The following HORMAD2 variants were observed in gnomAD, a reference collection of about 807,000 sequenced individuals.
HORMAD2 encodes the protein HORMA domain containing 2.
A neutral mutation model predicts 38.8 loss-of-function variants in HORMAD2; 45 were observed. The ratio of observed to expected loss-of-function variants is 1.16; its 90% CI spans 0.91 to 1.49. HORMAD2 has a LOEUF of 1.49. HORMAD2 is among the 40% of genes most tolerant of loss of function. The pLI, the probability that HORMAD2 is intolerant of heterozygous loss-of-function variation, is 0.00. For synonymous variants in HORMAD2, 126 were observed against 122.8 expected (o/e 1.03, Z -0.17); for missense variants, 338 against 367.0 (o/e 0.92, Z 0.65).
intron 5 of HORMAD2, 93 bp from the exon 6 acceptor site, chr22:30,111,703 C>A: frequency 9.4e-7 from 1 of 1,068,508 alleles, no homozygotes; most frequent in Non-Finnish European, 1.3e-6. Flanking sequence ...TTTCGAACCT[C>A]TCTGAAATAA....
Position 30,160,729 on chromosome 22 carries a change from G to A in HORMAD2, c.820-15334G>A, listed in dbSNP as rs1336099724. Among the ~76,000 whole-genome samples, 18 of 152,214 alleles carry A rather than the reference G, an allele frequency of 1.2e-4. No individual in the cohort carries two copies. In the East Asian group the frequency reaches 3.3e-3, roughly 28 times the overall value. On this transcript the variant is annotated intron_variant, in intron 10 of 10. Coordinates refer to ENST00000336726, the MANE Select transcript of HORMAD2 (RefSeq NM_152510.4). ...ATACATAAAACTAACAAAAATGGAAGCAATTAAATAACTATAGTTGAACTA... is the reference window on the plus strand; with the variant it reads ...ATACATAAAACTAACAAAAATGGAAACAATTAAATAACTATAGTTGAACTA...
At chr22:30,190,868 C>T in the HORMAD2 span, among the ~76,000 whole-genome samples, 1 of 152,124 alleles carries the variant, frequency 6.6e-6, no homozygotes, top group African/African-American at 2.4e-5. Flanking sequence ...AATGTCCTAT[C>T]GTGGAGGAGT....
At chr22:30,138,177 T>G (rs916513784) in intron 10 of HORMAD2, among the ~76,000 whole-genome samples, 3 of 152,158 alleles carry the variant, frequency 2.0e-5, no homozygotes, top group African/African-American at 7.2e-5. Flanking sequence ...GTCAAGCATC[T>G]TTTCATGTGC....
chr22:30,121,790 G>A lies in HORMAD2; in HGVS notation c.568+1G>A, dbSNP rs774152917. 3.1e-6 allele frequency: 5 copies of A among 1,605,464 alleles called. No individual in the cohort carries two copies. Among genetic ancestry groups the A allele is most frequent in the Non-Finnish European group, 4.2e-6 (5 of 1,177,314 alleles). The stretch of plus-strand genomic sequence containing the variant: ...ATGAAACTCCACTACTATAATGCAG[G>A]TAGGTAGAGAACTTTAGGCAAATTC... On this transcript the variant is annotated splice_donor_variant, in intron 9 of 10. Coordinates refer to ENST00000336726, the MANE Select transcript of HORMAD2 (RefSeq NM_152510.4). LOFTEE classifies it high-confidence loss of function.
chr22:30,107,729 G>A lies in HORMAD2; in HGVS notation c.294+3292G>A, dbSNP rs375056473. 1.0e-3 allele frequency among the ~76,000 whole-genome samples: 152 copies of A among 151,950 alleles called. 2 individuals are homozygous for A. The South Asian group carries it at 0.03, about 30-fold the overall frequency. ...CATGCCACTGCACTCCAGCCTGGGC[G>A]ACAGAGCGAAACTTCATCTCAAATA... On this transcript the variant is annotated intron_variant, in intron 5 of 10. Transcript: ENST00000336726.
chr22:30,198,159 G>A, the HORMAD2 span, among the ~76,000 whole-genome samples: 712 of 152,262 alleles, frequency 4.7e-3, 6 homozygotes, highest in African/African-American at 0.016. Flanking sequence ...ACCCCAGCCC[G>A]GGCAACACTT....
rs145207270 is a variant in HORMAD2, at chr22:30,176,350, C to T, written c.*183C>T. ...CCAGGTAGGACGCGAGTCCACTTTG[C>T]CATAAGGAAAGCGGGTCAATAGGGC... On this transcript the variant is annotated 3_prime_UTR_variant, in exon 11 of 11. Transcript: ENST00000336726. 1.7e-3 allele frequency: 955 copies of T among 545,752 alleles called. 9 individuals carry two copies. Among genetic ancestry groups the T allele is most frequent in the African/African-American group, 0.016 (854 of 52,264 alleles). 33.8% of individuals were successfully genotyped at this position (545,752 alleles called of 1,614,324 possible).
intron 10 of HORMAD2, among the ~76,000 whole-genome samples, chr22:30,138,362 C>G (rs1294437269): frequency 1.3e-5 from 2 of 151,382 alleles, no homozygotes; most frequent in African/African-American, 2.4e-5. Flanking sequence ...GAGATGGGGT[C>G]TCGCCATGTT....
chr22:30,142,117 C>A (rs6006378), intron 10 of HORMAD2, among the ~76,000 whole-genome samples: 85 of 151,952 alleles, frequency 5.6e-4, no homozygotes, highest in Admixed American at 1.4e-3. Flanking sequence ...ACCAACCAAC[C>A]AACAAACAAA....
chr22:30,109,270 G>A (rs1488347010), intron 5 of HORMAD2, among the ~76,000 whole-genome samples: 1 of 151,666 alleles, frequency 6.6e-6, no homozygotes, highest in African/African-American at 2.4e-5. Context: ...GTGATCCTCC[G>A]GCCTCAGACT....
At chr22:30,181,445 C>T (rs781413195), downstream of HORMAD2, among the ~76,000 whole-genome samples, 3 of 152,090 alleles carry the variant, frequency 2.0e-5, no homozygotes, top group South Asian at 4.1e-4. Flanking sequence ...TTCCCTAAAT[C>T]GAAACTCCCT....
chr22:30,137,780 A>G (rs1923772524), intron 10 of HORMAD2: 1 of 153,158 alleles, frequency 6.5e-6, no homozygotes, highest in Non-Finnish European at 1.5e-5. Context: ...ATAATACTCC[A>G]TTGTACGGAT....
chr22:30,163,506 C>T (rs2146219860), intron 10 of HORMAD2, among the ~76,000 whole-genome samples: 1 of 152,274 alleles, frequency 6.6e-6, no homozygotes, highest in East Asian at 1.9e-4. Context: ...CTCACCTCAA[C>T]CTCTGCCTCC....
the HORMAD2 span, among the ~76,000 whole-genome samples, chr22:30,203,641 T>G: frequency 1.3e-5 from 2 of 152,136 alleles, no homozygotes; most frequent in Non-Finnish European, 2.9e-5. Flanking sequence ...TACGTGCATG[T>G]GCACACATAC....
intron 10 of HORMAD2, among the ~76,000 whole-genome samples, chr22:30,145,342 G>A (rs1924346417): frequency 6.6e-6 from 1 of 152,004 alleles, no homozygotes; most frequent in African/African-American, 2.4e-5. Flanking sequence ...AACTGGTTGT[G>A]TATACATTTG....
the HORMAD2 span, among the ~76,000 whole-genome samples, chr22:30,191,861 A>T: frequency 0.041 from 6,164 of 151,836 alleles, 358 homozygotes; most frequent in South Asian, 0.23. Context: ...TAGATTAATC[A>T]TCTGTCCATA....
the HORMAD2 span, among the ~76,000 whole-genome samples, chr22:30,186,196 A>G: frequency 6.6e-6 from 1 of 152,178 alleles, no homozygotes; most frequent in Admixed American, 6.5e-5. Context: ...TTCACTTTGT[A>G]CAGACAGCTG....
intron 7 of HORMAD2, among the ~76,000 whole-genome samples, chr22:30,115,903 C>T (rs1922008007): frequency 6.6e-6 from 1 of 152,102 alleles, no homozygotes; most frequent in African/African-American, 2.4e-5. Flanking sequence ...GGAGTCAGCC[C>T]ATGCAAGTCT....
chr22:30,138,188 T>A (rs1304466288), intron 10 of HORMAD2, among the ~76,000 whole-genome samples: 1 of 152,188 alleles, frequency 6.6e-6, no homozygotes, highest in Non-Finnish European at 1.5e-5. Flanking sequence ...TTTCATGTGC[T>A]TCTTATCCAT....
Sources: allele counts gnomAD v4.1 joint callset (sites outside exome capture counted in the v4.1 genomes callset), GRCh38; gene constraint gnomAD v4.1.1; transcripts MANE v1.5; gene names NCBI Gene and HGNC (gene_info 2026-07-23, HGNC 2026-07-21).